SLC4A4: variants seen among roughly 807,000 people sequenced by gnomAD.
SLC4A4 encodes electrogenic sodium bicarbonate cotransporter 1.
In SLC4A4, 27 loss-of-function variants were observed where a neutral mutation model predicts 111.5. The observed-to-expected ratio is 0.24, with a 90% confidence interval of 0.18 to 0.33. The LOEUF is 0.33. Among genes scored for constraint, SLC4A4 ranks in the 10% least tolerant of loss-of-function variants. The probability of loss-of-function intolerance (pLI) is 1.00; values close to 1 mark genes in which losing one functional copy is unlikely to be tolerated. For synonymous variants in SLC4A4, 443 were observed against 463.4 expected (o/e 0.96, Z 0.57); for missense variants, 909 against 1,315.5 (o/e 0.69, Z 4.78).
intron 3 of SLC4A4, among the ~76,000 whole-genome samples, chr4:71,338,882 C>T (rs1277040617): frequency 1.5e-5 from 2 of 130,864 alleles, no homozygotes; most frequent in Non-Finnish European, 3.2e-5. Flanking sequence ...CAGGGAGAAG[C>T]CTGCGAGGGC....
chr4:71,190,997 A>G (rs989345178), intron 1 of SLC4A4, among the ~76,000 whole-genome samples: 2 of 152,250 alleles, frequency 1.3e-5, no homozygotes, highest in Admixed American at 1.3e-4. Context: ...TGGTAACAAC[A>G]TTCTGTTTTT....
chr4:71,199,977 A>G (rs1746175452), intron 1 of SLC4A4, among the ~76,000 whole-genome samples: 1 of 152,130 alleles, frequency 6.6e-6, no homozygotes, highest in Non-Finnish European at 1.5e-5. Flanking sequence ...AAAAACCAGA[A>G]CAGCAGGAAA....
chr4:71,358,395 A>G (rs892007221), intron 6 of SLC4A4, among the ~76,000 whole-genome samples: 1 of 152,098 alleles, frequency 6.6e-6, no homozygotes, highest in African/African-American at 2.4e-5. Flanking sequence ...TTTCAGAATA[A>G]CATAAAACCG....
intron 21 of SLC4A4, among the ~76,000 whole-genome samples, chr4:71,555,804 A>AGGT (rs1736421145): frequency 6.6e-6 from 1 of 151,932 alleles, no homozygotes; most frequent in Admixed American, 6.6e-5. Context: ...TGGGAGGCTG[A>AGGT]GGTGAAAGGT....
chr4:71,174,072 A>T (rs538371067), intron 2 of SLC4A4, among the ~76,000 whole-genome samples: 4 of 152,278 alleles, frequency 2.6e-5, no homozygotes, highest in African/African-American at 9.6e-5. Flanking sequence ...ATTCCATTGG[A>T]ATTTTTATAA....
At chr4:71,200,642 G>A (rs1202977046) in intron 1 of SLC4A4, among the ~76,000 whole-genome samples, 1 of 152,124 alleles carries the variant, frequency 6.6e-6, no homozygotes, top group Non-Finnish European at 1.5e-5. Flanking sequence ...TGGCATTATT[G>A]ACTGGCCATT....
At chr4:71,217,586 C>T (rs1718513196) in intron 1 of SLC4A4, among the ~76,000 whole-genome samples, 1 of 151,938 alleles carries the variant, frequency 6.6e-6, no homozygotes, top group Non-Finnish European at 1.5e-5. Flanking sequence ...AAAAACAAAC[C>T]ACCAACAACG....
intron 1 of SLC4A4, among the ~76,000 whole-genome samples, chr4:71,193,359 C>G (rs549783657): frequency 1.1e-4 from 17 of 152,246 alleles, no homozygotes; most frequent in South Asian, 6.2e-4. Context: ...CAGGGTTTCA[C>G]CGTGTTAGCC....
chr4:71,157,263 T>A (rs1379870609), intron 2 of SLC4A4, among the ~76,000 whole-genome samples: 1 of 152,124 alleles, frequency 6.6e-6, no homozygotes. Context: ...CAATCCAAAG[T>A]TAGTAGTGTG....
At chr4:71,135,048 T>C (rs1411465893) in intron 2 of SLC4A4, among the ~76,000 whole-genome samples, 1 of 152,208 alleles carries the variant, frequency 6.6e-6, no homozygotes, top group Non-Finnish European at 1.5e-5. Flanking sequence ...GATAAGCCTT[T>C]AAGTAACTGC....
Position 71,443,116 on chromosome 4 carries a change from C to CTCTA in SLC4A4, c.965+2344_965+2345insCTAT, listed in dbSNP as rs1198759861. Among the ~76,000 whole-genome samples, 460 of 65,610 alleles carry CTCTA rather than the reference C, an allele frequency of 7.0e-3. 8 individuals are homozygous for CTCTA. Among genetic ancestry groups the CTCTA allele is most frequent in the Non-Finnish European group, 8.9e-3 (345 of 38,900 alleles). 43.0% of individuals were successfully genotyped at this position (65,610 alleles called of 152,430 possible). A position where few individuals can be genotyped will look rare whatever the true frequency, so the allele number is the denominator to read the frequency against. On this transcript the variant is annotated intron_variant, in intron 8 of 25. Coordinates refer to ENST00000264485, the MANE Select transcript of SLC4A4 (RefSeq NM_001098484.3). ...TCTCTCTCTCTCTCTCTCTCTCTCT[C>CTCTA]TATATATATATATATATATATATAT...
At chr4:71,423,666 G>A (rs1197450473) in intron 7 of SLC4A4, among the ~76,000 whole-genome samples, 2 of 152,152 alleles carry the variant, frequency 1.3e-5, no homozygotes, top group Admixed American at 6.5e-5. Flanking sequence ...GAACAGAACA[G>A]AGCCCTCAGA....
intron 18 of SLC4A4, among the ~76,000 whole-genome samples, chr4:71,538,406 C>T (rs1367364086): frequency 6.6e-6 from 1 of 152,088 alleles, no homozygotes; most frequent in Non-Finnish European, 1.5e-5. Flanking sequence ...CACTTGAAAT[C>T]ATTCTTTTGA....
intron 3 of SLC4A4, among the ~76,000 whole-genome samples, chr4:71,262,221 A>C (rs1463678021): frequency 6.6e-6 from 1 of 152,222 alleles, no homozygotes; most frequent in Admixed American, 6.5e-5. Context: ...TTCATATAGA[A>C]GGAAATAATT....
intron 5 of SLC4A4, 108 bp from the exon 6 acceptor site, chr4:71,356,900 C>A: frequency 9.9e-7 from 1 of 1,012,794 alleles, no homozygotes; most frequent in Non-Finnish European, 1.5e-6. Flanking sequence ...ATTTAGAAAA[C>A]AATATCTTGC....
chr4:71,086,200 C>A lies in SLC4A4; in HGVS notation c.-64-6530C>A, dbSNP rs895624749. 4.0e-5 allele frequency among the ~76,000 whole-genome samples: 6 copies of A among 151,658 alleles called. No individual in the cohort carries two copies. The South Asian group carries it at 1.3e-3, about 32-fold the overall frequency. ...GGGAGTTCACTCATGATTTGGCTCT[C>A]TGTTTGTCTGTTATTGGTGTATAAG... On this transcript the variant is annotated intron_variant, in intron 1 of 26. Transcript: ENST00000649996.
At chr4:71,372,732 A>G (rs1732001409) in intron 6 of SLC4A4, among the ~76,000 whole-genome samples, 1 of 152,222 alleles carries the variant, frequency 6.6e-6, no homozygotes, top group African/African-American at 2.4e-5. Flanking sequence ...TAGTTTGTCC[A>G]TCTACTGGGC....
intron 3 of SLC4A4, among the ~76,000 whole-genome samples, chr4:71,337,191 T>C (rs568357671): frequency 1.3e-5 from 2 of 152,338 alleles, no homozygotes; most frequent in South Asian, 4.1e-4. Flanking sequence ...ACTATTAATA[T>C]ACCATGTTAA....
chr4:71,139,230 C>T (rs1743935868), intron 2 of SLC4A4, among the ~76,000 whole-genome samples: 2 of 139,758 alleles, frequency 1.4e-5, no homozygotes. Flanking sequence ...TTTCTGGCAG[C>T]ACTGGACCTC....
Sources: gnomAD v4.1 joint callset for allele counts (sites outside exome capture counted in the v4.1 genomes callset) on GRCh38, gnomAD v4.1.1 for gene constraint, MANE v1.5 for transcripts, NCBI Gene and HGNC (gene_info 2026-07-23, HGNC 2026-07-21) for gene names.